ADAM9: variants seen among roughly 807,000 people sequenced by gnomAD.
ADAM9 encodes the protein ADAM metallopeptidase domain 9.
ADAM9 carries 54 observed loss-of-function variants against 108.1 expected under a neutral mutation model. That is an observed-to-expected ratio of 0.50 (90% CI 0.40 to 0.63). The LOEUF is 0.63. Among genes scored for constraint, ADAM9 ranks in the 20% least tolerant of loss-of-function variants. ADAM9 has a pLI of 0.00. For missense variants in ADAM9, 830 were observed against 997.7 expected (o/e 0.83, Z 2.26); for synonymous variants, 316 against 336.0 (o/e 0.94, Z 0.65).
At chr8:39,100,492 C>CA (rs1186138731) in intron 20 of ADAM9, among the ~76,000 whole-genome samples, 264 of 102,992 alleles carry the variant, frequency 2.6e-3, no homozygotes, top group East Asian at 9.3e-3. Context: ...GACTCCGTCT[C>CA]AAAAAAAAAA....
intron 18 of ADAM9, among the ~76,000 whole-genome samples, chr8:39,083,302 C>T (rs371215872): frequency 8.1e-4 from 123 of 152,266 alleles, no homozygotes; most frequent in African/African-American, 2.6e-3. Flanking sequence ...TATTTTTCAT[C>T]TTGCTTCCTA....
chr8:39,066,933 G>A (rs1838497903), intron 14 of ADAM9, among the ~76,000 whole-genome samples: 2 of 152,194 alleles, frequency 1.3e-5, no homozygotes, highest in Admixed American at 1.3e-4. Context: ...TTTGTATAAG[G>A]TGTAAGGAAG....
intron 11 of ADAM9, among the ~76,000 whole-genome samples, chr8:39,032,820 A>AT (rs1275179757): frequency 2.8e-4 from 43 of 152,348 alleles, no homozygotes; most frequent in African/African-American, 9.6e-4. Flanking sequence ...CACGGTCTTG[A>AT]TTACTGCAGC....
At chr8:39,034,768 G>T (rs924847043) in intron 11 of ADAM9, among the ~76,000 whole-genome samples, 1 of 150,944 alleles carries the variant, frequency 6.6e-6, no homozygotes, top group African/African-American at 2.4e-5. Context: ...AAATGAATCT[G>T]TCTATTTACC....
chr8:39,054,571 C>A lies in ADAM9; in HGVS notation c.1393C>A (p.Arg465=), dbSNP rs766583766. Residue 465 remains arginine, a splice_region_variant and synonymous_variant, in exon 13 of 22, where the codon CGG becomes AGG. Coordinates refer to ENST00000487273, the MANE Select transcript of ADAM9 (RefSeq NM_003816.3). ...CAYGDCCKDC[R]FLPGGTLCRG... ...ATATGGTGACTGTTGTAAAGACTGTCGGGTAAGGAATTCCTCCCTTTTGGA... is the reference window on the plus strand; with the variant it reads ...ATATGGTGACTGTTGTAAAGACTGTAGGGTAAGGAATTCCTCCCTTTTGGA... 1.4e-6 allele frequency: 2 copies of A among 1,446,246 alleles called. No individual in the cohort carries two copies. Among genetic ancestry groups the A allele is most frequent in the Middle Eastern group, 1.8e-4 (1 of 5,476 alleles). 89.6% of individuals were successfully genotyped at this position (1,446,246 alleles called of 1,614,324 possible). A position where few individuals can be genotyped will look rare whatever the true frequency, so the allele number is the denominator to read the frequency against.
In ADAM9 at chr8:39,042,117, G is replaced by A; in HGVS notation, c.1302G>A (p.Lys434=). The A allele has an allele frequency of 6.2e-7, 1 of 1,613,952 alleles. No individual in the cohort carries two copies. Among genetic ancestry groups the A allele is most frequent in the Non-Finnish European group, 8.5e-7 (1 of 1,179,870 alleles). ...AAGAGTGTGACTGTGGTACTCCAAA[G>A]GTCAGTTTAATTTTTGACTTTTGCC... ...AGEECDCGTP[K]ECELDPCCEG... The change falls in exon 12 of 22, where the codon AAG becomes AAA. Residue 434 remains lysine (K), a splice_region_variant and synonymous_variant. Transcript: ENST00000487273.
chr8:39,004,142 G>A (rs997854099), intron 1 of ADAM9, among the ~76,000 whole-genome samples: 1 of 151,780 alleles, frequency 6.6e-6, no homozygotes, highest in Non-Finnish European at 1.5e-5. Flanking sequence ...GAGTTGTAAC[G>A]AAAAAACTTC....
chr8:39,004,245 C>T (rs535601238), intron 1 of ADAM9, among the ~76,000 whole-genome samples: 3 of 151,818 alleles, frequency 2.0e-5, no homozygotes, highest in South Asian at 2.1e-4. Flanking sequence ...GCAGGGTCTC[C>T]CTCTGTTGCT....
chr8:39,078,456 C>A (rs1055552641), intron 16 of ADAM9, among the ~76,000 whole-genome samples: 9 of 151,772 alleles, frequency 5.9e-5, no homozygotes, highest in Non-Finnish European at 1.2e-4. Flanking sequence ...CGCCTAGAAG[C>A]AACTGTGGTT....
At chr8:39,038,946 T>G (rs1837369125) in intron 11 of ADAM9, among the ~76,000 whole-genome samples, 1 of 148,744 alleles carries the variant, frequency 6.7e-6, no homozygotes, top group Admixed American at 6.6e-5. Context: ...GTCCTACATC[T>G]AGATACTTTT....
chr8:39,059,554 C>G (rs1378116968), intron 14 of ADAM9, among the ~76,000 whole-genome samples: 1 of 152,218 alleles, frequency 6.6e-6, no homozygotes, highest in African/African-American at 2.4e-5. Flanking sequence ...AATGAGTCAT[C>G]CTATCTACTT....
intron 2 of ADAM9, among the ~76,000 whole-genome samples, chr8:39,009,507 G>C (rs986901448): frequency 6.6e-6 from 1 of 152,206 alleles, no homozygotes; most frequent in African/African-American, 2.4e-5. Flanking sequence ...CCAGAGTGCT[G>C]GGATTACAGG....
In ADAM9 at chr8:39,097,726, T is replaced by C. The variant is rs376077431; in HGVS notation, c.2299-4137T>C. ...ACACCAATTAAATTAATTAAGAGGA[T>C]GGACTGTGAGCCAAACTGCCCAGTT... On this transcript the variant is annotated intron_variant, in intron 20 of 21. Transcript: ENST00000487273. Among the ~76,000 whole-genome samples the C allele has an allele frequency of 4.3e-4, 65 of 152,320 alleles. 1 individual carries two copies. The highest frequency in any genetic ancestry group is 1.4e-3 in the African/African-American group (60 of 41,584).
intron 6 of ADAM9, among the ~76,000 whole-genome samples, chr8:39,018,277 G>T (rs1019210658): frequency 4.6e-5 from 7 of 151,996 alleles, no homozygotes; most frequent in African/African-American, 1.7e-4. Context: ...TTTTGACTTG[G>T]GCTATTCTTT....
intron 12 of ADAM9, among the ~76,000 whole-genome samples, chr8:39,042,804 A>G (rs545131130): frequency 6.6e-6 from 1 of 152,256 alleles, no homozygotes; most frequent in African/African-American, 2.4e-5. Context: ...AGAGATTTTT[A>G]AATGTCCAGT....
At chr8:39,076,684 G>A (rs535892098) in intron 15 of ADAM9, among the ~76,000 whole-genome samples, 2 of 152,260 alleles carry the variant, frequency 1.3e-5, no homozygotes, top group African/African-American at 4.8e-5. Flanking sequence ...TAAGAATTAT[G>A]GTCAGGGAAG....
chr8:39,092,086 C>T (rs760876835), intron 20 of ADAM9, among the ~76,000 whole-genome samples: 7 of 152,078 alleles, frequency 4.6e-5, no homozygotes, highest in Non-Finnish European at 1.0e-4. Flanking sequence ...TCATGATATA[C>T]TTTTATTGAG....
chr8:39,030,668 T>A (rs987712447), intron 11 of ADAM9, among the ~76,000 whole-genome samples: 2 of 150,566 alleles, frequency 1.3e-5, no homozygotes, highest in Non-Finnish European at 3.0e-5. Flanking sequence ...TGTAAGAAAC[T>A]GCCAAATTGT....
rs778004041 is a variant in ADAM9, at chr8:39,077,376, A to G, written c.1846A>G (p.Met616Val). The G allele has an allele frequency of 1.2e-6, 2 of 1,613,730 alleles. No homozygotes were observed. The highest frequency in any genetic ancestry group is 2.2e-5 in the East Asian group (1 of 44,858). Residue 616 changes from methionine (M) to valine (V), a missense_variant, in exon 16 of 22, where the codon ATG becomes GTG. Around this residue, in one of 3 missense-constraint regions of ADAM9, gnomAD observed 381 missense variants for 539.8 expected, o/e 0.71. Transcript: ENST00000487273. ...QLGSDVPDPG[M>V]VNEGTKCGAG... ...AGGATCAGATGTTCCAGATCCTGGGATGGTTAACGAAGGCACAAAATGTGG... is the reference window on the plus strand; with the variant it reads ...AGGATCAGATGTTCCAGATCCTGGGGTGGTTAACGAAGGCACAAAATGTGG...
Sources: gnomAD v4.1 joint callset for allele counts (sites outside exome capture counted in the v4.1 genomes callset) on GRCh38, gnomAD v4.1.1 for gene constraint, gnomAD v4.1.1 regional missense constraint, MANE v1.5 for transcripts, NCBI Gene and HGNC (gene_info 2026-07-23, HGNC 2026-07-21) for gene names.